Variants in TSHZ1 observed in about 807,000 individuals in gnomAD.
TSHZ1 encodes the protein teashirt zinc finger homeobox 1, also known as teashirt homolog 1.
In TSHZ1, 12 loss-of-function variants were observed where a neutral mutation model predicts 67.1. That is an observed-to-expected ratio of 0.18 (90% CI 0.11 to 0.29). TSHZ1 has a LOEUF of 0.29. Among genes scored for constraint, TSHZ1 ranks in the 10% least tolerant of loss-of-function variants. The pLI is 1.00. For synonymous variants in TSHZ1, 632 were observed against 622.4 expected, an observed-to-expected ratio of 1.02 and a Z score of -0.23; for missense variants, 1,305 against 1,413.9, an observed-to-expected ratio of 0.92 and a Z score of 1.23.
chr18:75,213,179 C>G (rs1329071991), intron 1 of TSHZ1, among the ~76,000 whole-genome samples: 2 of 152,172 alleles, frequency 1.3e-5, no homozygotes, highest in Non-Finnish European at 2.9e-5. Flanking sequence ...GGAATAGTAT[C>G]TACGTTTATG....
chr18:75,269,736 C>A (rs1343385343), intron 1 of TSHZ1, among the ~76,000 whole-genome samples: 1 of 152,168 alleles, frequency 6.6e-6, no homozygotes, highest in African/African-American at 2.4e-5. Flanking sequence ...CATCACCACC[C>A]CATCCATTCC....
chr18:75,251,613 G>A (rs549753215), intron 1 of TSHZ1, among the ~76,000 whole-genome samples: 10 of 151,496 alleles, frequency 6.6e-5, no homozygotes, highest in East Asian at 5.8e-4. Context: ...TTCCTGGGCC[G>A]TTGCCAGCAT....
At position 75,248,366 on chromosome 18, in the gene TSHZ1, C is replaced by T. The variant is rs1278895422; in HGVS notation, c.40+36450C>T. On this transcript the variant is annotated intron_variant, in intron 1 of 1. Transcript: ENST00000580243. Reference sequence around the variant, plus strand: ...CTGTGGAAGGTGATCGAAGTGTATTCACCCTCAGGTTCATCTGGAAAGTCC... The same window carrying T: ...CTGTGGAAGGTGATCGAAGTGTATTTACCCTCAGGTTCATCTGGAAAGTCC... Among the ~76,000 whole-genome samples the T allele has an allele frequency of 2.0e-5, 3 of 152,198 alleles. No homozygotes were observed. The East Asian group carries it at 5.8e-4, about 29-fold the overall frequency.
intron 1 of TSHZ1, chr18:75,284,732 T>G (rs1030209900): frequency 1.2e-4 from 19 of 152,318 alleles, no homozygotes; most frequent in African/African-American, 4.6e-4. Flanking sequence ...GAACTCCCTT[T>G]CCAAGCCTGA....
intron 1 of TSHZ1, among the ~76,000 whole-genome samples, chr18:75,268,516 G>C (rs912290394): frequency 5.3e-5 from 8 of 152,204 alleles, no homozygotes; most frequent in Non-Finnish European, 8.8e-5. Context: ...AAGACTGCCA[G>C]TTTCCCATTA....
At chr18:75,264,689 G>A (rs1302324273) in intron 1 of TSHZ1, among the ~76,000 whole-genome samples, 1 of 152,182 alleles carries the variant, frequency 6.6e-6, no homozygotes, top group African/African-American at 2.4e-5. Context: ...CTGCGTTCAA[G>A]GGAAGGAACT....
In TSHZ1 at chr18:75,223,996, G is replaced by A. The variant is rs115682583; in HGVS notation, c.40+12080G>A. Among the ~76,000 whole-genome samples the A allele has an allele frequency of 8.6e-4, 129 of 149,942 alleles. 1 individual carries two copies. Among genetic ancestry groups the A allele is most frequent in the African/African-American group, 2.6e-3 (106 of 40,670 alleles). On this transcript the variant is annotated intron_variant, in intron 1 of 1. Transcript: ENST00000580243. ...ATTCTGAGCAGAGTGCAAATCATTC[G>A]GGGTCATTCATAGTTCATGTACCCA...
At chr18:75,226,635 C>T (rs960806857) in intron 1 of TSHZ1, among the ~76,000 whole-genome samples, 13 of 150,658 alleles carry the variant, frequency 8.6e-5, no homozygotes, top group African/African-American at 2.9e-4. Flanking sequence ...AATCCTCATA[C>T]AGGGCACAGA....
At chr18:75,212,155 G>T (rs1395917854) in intron 1 of TSHZ1, among the ~76,000 whole-genome samples, 1 of 152,120 alleles carries the variant, frequency 6.6e-6, no homozygotes, top group Non-Finnish European at 1.5e-5. Context: ...GCTGCGGGAA[G>T]CCCGGATGGC....
At chr18:75,279,699 A>G (rs890301507) in intron 1 of TSHZ1, among the ~76,000 whole-genome samples, 2 of 152,224 alleles carry the variant, frequency 1.3e-5, no homozygotes, top group Admixed American at 6.5e-5. Flanking sequence ...CACCATCTGC[A>G]TCCCTGATGG....
At chr18:75,249,591 T>C (rs1250931857) in intron 1 of TSHZ1, among the ~76,000 whole-genome samples, 2 of 151,486 alleles carry the variant, frequency 1.3e-5, no homozygotes, top group Non-Finnish European at 3.0e-5. Context: ...CATGACCTCC[T>C]CCCTACCTCA....
At chr18:75,257,180 A>G (rs898249800) in intron 1 of TSHZ1, among the ~76,000 whole-genome samples, 4 of 152,240 alleles carry the variant, frequency 2.6e-5, no homozygotes, top group African/African-American at 7.2e-5. Context: ...GGGATCATTA[A>G]TGAACTAACC....
chr18:75,287,676 C>T lies in TSHZ1; in HGVS notation c.2269C>T (p.Leu757=). The change falls in exon 2 of 2, where the codon CTG becomes TTG. Residue 757 remains leucine, a synonymous_variant. Transcript: ENST00000580243. The surrounding 1 kb of genome is among the most constrained non-coding windows in gnomAD (Gnocchi z 5.0). ...TTTGCAGTCCATCATGAACACCCAC[C>T]TGGGCAAGGTGTCCAAGCCCGTGAG... The part of the protein sequence containing the change: ...SALQSIMNTH[L]GKVSKPVSPS... 2 of 1,614,212 alleles carry T rather than the reference C, an allele frequency of 1.2e-6. No homozygotes were observed. The highest frequency in any genetic ancestry group is 4.5e-5 in the East Asian group (2 of 44,870).
At chr18:75,242,106 C>T (rs1197625433) in intron 1 of TSHZ1, among the ~76,000 whole-genome samples, 9 of 151,892 alleles carry the variant, frequency 5.9e-5, no homozygotes, top group African/African-American at 2.2e-4. Flanking sequence ...GTCATTTGTG[C>T]AGCAGCCTTT....
In TSHZ1 at chr18:75,285,867, T is replaced by C; in HGVS notation, c.460T>C (p.Ser154Pro). The C allele has an allele frequency of 6.3e-7, 1 of 1,596,618 alleles. No individual in the cohort carries two copies. The highest frequency in any genetic ancestry group is 8.5e-7 in the Non-Finnish European group (1 of 1,172,016). ...CAACGATGCCAGCCAGAAGGAGAGCTCCGCCCCCACCCCCACACCCCCCAC... is the reference window on the plus strand; with the variant it reads ...CAACGATGCCAGCCAGAAGGAGAGCCCCGCCCCCACCCCCACACCCCCCAC... ...STNDASQKES[S>P]APTPTPPTCP... The change falls in exon 2 of 2, where the codon TCC (serine) becomes CCC (proline). Residue 154 changes from serine to proline, a missense_variant. By Grantham distance (74) the Ser-to-Pro change is moderately conservative. This residue lies in a region of TSHZ1 where 358 missense variants were observed against 375.6 expected (regional missense o/e 0.95). Coordinates refer to ENST00000580243, the MANE Select transcript of TSHZ1 (RefSeq NM_001308210.2).
chr18:75,234,265 C>T (rs1254037688), intron 1 of TSHZ1, among the ~76,000 whole-genome samples: 1 of 152,174 alleles, frequency 6.6e-6, no homozygotes, highest in Admixed American at 6.5e-5. Flanking sequence ...CCCTGCGCAC[C>T]TACTCCCTGC....
intron 1 of TSHZ1, among the ~76,000 whole-genome samples, chr18:75,222,595 C>G (rs75775804): frequency 0.034 from 5,104 of 152,172 alleles, 293 homozygotes; most frequent in African/African-American, 0.12. Flanking sequence ...GACAGCCACC[C>G]TGTCCTGAGA....
intron 1 of TSHZ1, among the ~76,000 whole-genome samples, chr18:75,212,309 G>A (rs928004538): frequency 2.0e-5 from 3 of 152,090 alleles, no homozygotes; most frequent in African/African-American, 4.8e-5. Context: ...CCTGACACTT[G>A]AAAACAAGGT....
chr18:75,247,142 T>C (rs1354807263), intron 1 of TSHZ1, among the ~76,000 whole-genome samples: 1 of 152,226 alleles, frequency 6.6e-6, no homozygotes, highest in Non-Finnish European at 1.5e-5. Context: ...GGAAGTGCCC[T>C]AGGCTGTAGT....
Sources: allele counts gnomAD v4.1 joint callset (sites outside exome capture counted in the v4.1 genomes callset), GRCh38; gene constraint gnomAD v4.1.1; regional missense constraint gnomAD v4.1.1; non-coding constraint Gnocchi (gnomAD v3.1); transcripts MANE v1.5; gene names NCBI Gene and HGNC (gene_info 2026-07-23, HGNC 2026-07-21).